The following ABCC4 variants were observed in gnomAD, a reference collection of about 807,000 sequenced individuals.
ABCC4 encodes ATP-binding cassette sub-family C member 4.
Under a neutral mutation model 168.5 loss-of-function variants are expected in ABCC4, and 102 were observed. The observed-to-expected ratio is 0.61, with a 90% confidence interval of 0.52 to 0.71. ABCC4 has a LOEUF of 0.71. Ranked by LOEUF, ABCC4 falls within the 30% of genes least tolerant of loss-of-function variation. ABCC4 has a pLI of 0.00. For synonymous variants in ABCC4, 617 were observed against 590.7 expected (o/e 1.04, Z -0.65); for missense variants, 1,402 against 1,605.8 (o/e 0.87, Z 2.17).
At position 95,203,999 on chromosome 13, in the gene ABCC4, A is replaced by G. The variant is rs112020149; in HGVS notation, c.1161+2533T>C. Among the ~76,000 whole-genome samples, 332 of 152,272 alleles carry G rather than the reference A, an allele frequency of 2.2e-3. 2 individuals carry two copies. Among genetic ancestry groups the G allele is most frequent in the African/African-American group, 7.6e-3 (316 of 41,550 alleles). ...AGCATTTGGTGCCCATTATGTGTCCATCAATGCTGAGCTGCACCGTACTGG... is the reference window on the plus strand; with the variant it reads ...AGCATTTGGTGCCCATTATGTGTCCGTCAATGCTGAGCTGCACCGTACTGG... On this transcript the variant is annotated intron_variant, in intron 8 of 30. Coordinates refer to ENST00000645237, the MANE Select transcript of ABCC4 (RefSeq NM_005845.5).
chr13:95,256,177 G>A (rs1482517737), intron 1 of ABCC4, among the ~76,000 whole-genome samples: 1 of 152,124 alleles, frequency 6.6e-6, no homozygotes, highest in African/African-American at 2.4e-5. Context: ...TGAAACTCCT[G>A]GGCTCAAGCA....
intron 11 of ABCC4, 130 bp downstream of exon 11, chr13:95,186,571 C>T: frequency 1.4e-6 from 1 of 722,628 alleles, no homozygotes. Context: ...ACTGGGAGGA[C>T]CGCCTTAAAG....
intron 18 of ABCC4, chr13:95,161,653 T>C (rs542803013): frequency 5.9e-6 from 1 of 170,908 alleles, no homozygotes; most frequent in East Asian, 1.6e-4. Context: ...GTGTAGTTGA[T>C]CTTCTCCATA....
intron 25 of ABCC4, among the ~76,000 whole-genome samples, chr13:95,070,209 A>T (rs2033679365): frequency 6.6e-6 from 1 of 152,062 alleles, no homozygotes; most frequent in South Asian, 2.1e-4. Flanking sequence ...GTGACATTGC[A>T]CTCCAGCCTG....
At chr13:95,161,837 C>G (rs1227752252) in intron 18 of ABCC4, 1 of 152,160 alleles carries the variant, frequency 6.6e-6, no homozygotes, top group African/African-American at 2.4e-5. Flanking sequence ...ATGTGGAAAA[C>G]CTCTTGAATA....
At chr13:95,176,982 C>T (rs192844397) in intron 13 of ABCC4, among the ~76,000 whole-genome samples, 74 of 152,180 alleles carry the variant, frequency 4.9e-4, no homozygotes, top group Admixed American at 3.5e-3. Context: ...AAGCAAGAGC[C>T]AAAGAAAGAA....
At chr13:95,278,257 C>T (rs1207751782) in intron 1 of ABCC4, among the ~76,000 whole-genome samples, 1 of 152,010 alleles carries the variant, frequency 6.6e-6, no homozygotes, top group African/African-American at 2.4e-5. Context: ...TTAGAGGGCC[C>T]GTATACCTTA....
intron 1 of ABCC4, among the ~76,000 whole-genome samples, chr13:95,288,211 C>T (rs1447194416): frequency 6.6e-6 from 1 of 152,098 alleles, no homozygotes; most frequent in African/African-American, 2.4e-5. Flanking sequence ...TATACAAGAT[C>T]ATGGGTCTTC....
chr13:95,287,855 A>G (rs2041298549), intron 1 of ABCC4, among the ~76,000 whole-genome samples: 1 of 151,920 alleles, frequency 6.6e-6, no homozygotes, highest in Non-Finnish European at 1.5e-5. Flanking sequence ...ATCCTGGCTA[A>G]CACAGTGAAA....
chr13:95,106,857 G>A (rs1345243073), intron 20 of ABCC4, among the ~76,000 whole-genome samples: 1 of 152,178 alleles, frequency 6.6e-6, no homozygotes, highest in African/African-American at 2.4e-5. Context: ...TCTGGGACCT[G>A]AGATTCTATT....
chr13:95,286,122 A>ATTTTTTTTTTTTTTTT (rs2041249261), intron 1 of ABCC4, among the ~76,000 whole-genome samples: 2 of 51,688 alleles, frequency 3.9e-5, no homozygotes, highest in Non-Finnish European at 5.0e-5. Flanking sequence ...TTCCAGAAAA[A>ATTTTTTTTTTTTTTTT]CTTTTTTTTT....
intron 8 of ABCC4, among the ~76,000 whole-genome samples, chr13:95,195,720 G>A (rs1377569386): frequency 6.6e-6 from 1 of 151,680 alleles, no homozygotes; most frequent in South Asian, 2.1e-4. Context: ...TGCAGCCTCC[G>A]CCTCTCCGGT....
intron 1 of ABCC4, among the ~76,000 whole-genome samples, chr13:95,265,081 C>T (rs1463118381): frequency 6.6e-6 from 1 of 152,068 alleles, no homozygotes; most frequent in African/African-American, 2.4e-5. Context: ...GTTGGCCAGG[C>T]TGGTCTCGAA....
intron 13 of ABCC4, among the ~76,000 whole-genome samples, chr13:95,174,505 A>G (rs1026811583): frequency 6.6e-6 from 1 of 152,142 alleles, no homozygotes; most frequent in Non-Finnish European, 1.5e-5. Flanking sequence ...TCTGATTAGC[A>G]AACAACAATT....
chr13:95,033,110 C>T (rs1245207241), intron 30 of ABCC4, among the ~76,000 whole-genome samples: 1 of 151,794 alleles, frequency 6.6e-6, no homozygotes, highest in Non-Finnish European at 1.5e-5. Context: ...GCTGGGATTA[C>T]AGGCAATCGC....
chr13:95,187,300 G>A (rs540089237), intron 10 of ABCC4, among the ~76,000 whole-genome samples: 20 of 152,288 alleles, frequency 1.3e-4, no homozygotes, highest in African/African-American at 4.6e-4. Flanking sequence ...TCCTAGAAAT[G>A]CTGTATGTAA....
chr13:95,261,575 T>C (rs1324708008), intron 1 of ABCC4, among the ~76,000 whole-genome samples: 2 of 152,110 alleles, frequency 1.3e-5, no homozygotes, highest in Non-Finnish European at 2.9e-5. Flanking sequence ...TAGAAAGGAA[T>C]GGCTTATCCA....
At chr13:95,088,416 G>A (rs918998423) in intron 20 of ABCC4, among the ~76,000 whole-genome samples, 4 of 152,110 alleles carry the variant, frequency 2.6e-5, no homozygotes, top group African/African-American at 9.7e-5. Flanking sequence ...ATGACCTAAA[G>A]GCTACAATAC....
At chr13:95,129,513 T>G (rs2035889830) in intron 19 of ABCC4, among the ~76,000 whole-genome samples, 2 of 152,238 alleles carry the variant, frequency 1.3e-5, no homozygotes, top group Non-Finnish European at 2.9e-5. Flanking sequence ...ACTAAGGTTG[T>G]AGGCTATTTG....
Sources: allele counts gnomAD v4.1 joint callset (sites outside exome capture counted in the v4.1 genomes callset), GRCh38; gene constraint gnomAD v4.1.1; transcripts MANE v1.5; gene names NCBI Gene and HGNC (gene_info 2026-07-23, HGNC 2026-07-21).